Variants in SMAP1 observed in about 807,000 individuals in gnomAD.
The protein encoded by SMAP1 is small ArfGAP 1.
SMAP1 carries 24 observed loss-of-function variants against 58.5 expected under a neutral mutation model. The ratio of observed to expected loss-of-function variants is 0.41; its 90% CI spans 0.30 to 0.58. The LOEUF is 0.58. Among genes scored for constraint, SMAP1 ranks in the 20% least tolerant of loss-of-function variants. SMAP1 has a pLI of 0.29. For missense variants in SMAP1, 563 were observed against 566.3 expected, an observed-to-expected ratio of 0.99 and a Z score of 0.06; for synonymous variants, 216 against 196.6, an observed-to-expected ratio of 1.10 and a Z score of -0.82.
At chr6:70,741,933 G>A (rs1765830336) in intron 2 of SMAP1, among the ~76,000 whole-genome samples, 1 of 152,202 alleles carries the variant, frequency 6.6e-6, no homozygotes, top group African/African-American at 2.4e-5. Context: ...CATGGTCTGA[G>A]CTATACATTG....
At chr6:70,768,690 T>C (rs566012896) in intron 3 of SMAP1, among the ~76,000 whole-genome samples, 1,549 of 152,262 alleles carry the variant, frequency 0.01, 17 homozygotes, top group Non-Finnish European at 0.017. Flanking sequence ...GTTGATCTTT[T>C]CAAAAAACCA....
chr6:70,668,566 C>T (rs1766132887), intron 1 of SMAP1: 1 of 1,534,486 alleles, frequency 6.5e-7, no homozygotes. Flanking sequence ...GTCTGGATCC[C>T]CTCCTCTACC....
At chr6:70,777,994 C>A (rs1562153496) in intron 4 of SMAP1, among the ~76,000 whole-genome samples, 1 of 152,090 alleles carries the variant, frequency 6.6e-6, no homozygotes, top group Non-Finnish European at 1.5e-5. Context: ...TCAAGTGATC[C>A]CCCTGCCTCG....
intron 1 of SMAP1, among the ~76,000 whole-genome samples, chr6:70,692,814 C>T (rs780067921): frequency 5.3e-5 from 8 of 152,036 alleles, no homozygotes; most frequent in Non-Finnish European, 8.8e-5. Flanking sequence ...GATGGAGTCT[C>T]GCTCTGTTGC....
intron 1 of SMAP1, among the ~76,000 whole-genome samples, chr6:70,672,485 A>G (rs544165492): frequency 2.6e-5 from 4 of 152,352 alleles, no homozygotes; most frequent in Admixed American, 1.3e-4. Flanking sequence ...TACATAAAAG[A>G]CAACACCCTG....
chr6:70,778,168 A>G (rs920826008), intron 4 of SMAP1, among the ~76,000 whole-genome samples: 3 of 152,180 alleles, frequency 2.0e-5, no homozygotes, highest in Non-Finnish European at 2.9e-5. Context: ...AAATCACATA[A>G]TGTAAAATGG....
chr6:70,748,838 A>G (rs1278688424), intron 2 of SMAP1, among the ~76,000 whole-genome samples: 1 of 152,026 alleles, frequency 6.6e-6, no homozygotes, highest in African/African-American at 2.4e-5. Flanking sequence ...AAGTAACCAT[A>G]TTTATCAGTT....
intron 3 of SMAP1, among the ~76,000 whole-genome samples, chr6:70,772,301 G>A (rs528261839): frequency 7.2e-5 from 11 of 152,184 alleles, no homozygotes; most frequent in Non-Finnish European, 4.4e-5. Context: ...ATTTTAAAAG[G>A]CTTTTTAAAA....
chr6:70,799,365 TA>T (rs1284334471), intron 6 of SMAP1, among the ~76,000 whole-genome samples: 34 of 152,282 alleles, frequency 2.2e-4, no homozygotes, highest in Non-Finnish European at 7.4e-5. Flanking sequence ...ATGGTACTCC[TA>T]ATTCAGAAGG....
intron 1 of SMAP1, among the ~76,000 whole-genome samples, chr6:70,713,996 CTTTT>C (rs552906253): frequency 2.0e-5 from 3 of 151,926 alleles, no homozygotes; most frequent in Admixed American, 6.6e-5. Context: ...GTGTAATGAC[CTTTT>C]TTTGTCTCTA....
intron 1 of SMAP1, among the ~76,000 whole-genome samples, chr6:70,725,100 T>G (rs1360054611): frequency 5.3e-5 from 1 of 18,808 alleles, no homozygotes; most frequent in East Asian, 1.6e-3. Context: ...AGTGTTTTTT[T>G]TTTTTTTTTT....
At chr6:70,719,681 G>A (rs1000608631) in intron 1 of SMAP1, among the ~76,000 whole-genome samples, 2 of 152,154 alleles carry the variant, frequency 1.3e-5, no homozygotes, top group Non-Finnish European at 2.9e-5. Flanking sequence ...GGAGGCCTTA[G>A]AATCATGGTG....
chr6:70,752,767 T>G (rs1766330380), intron 2 of SMAP1, among the ~76,000 whole-genome samples: 1 of 151,280 alleles, frequency 6.6e-6, no homozygotes, highest in Non-Finnish European at 1.5e-5. Context: ...AGTCTACTTT[T>G]TAGAAACCTA....
intron 1 of SMAP1, among the ~76,000 whole-genome samples, chr6:70,691,770 T>C (rs1403542434): frequency 2.0e-5 from 3 of 152,210 alleles, no homozygotes; most frequent in African/African-American, 7.2e-5. Context: ...CCATCCATGT[T>C]GTTGCAGATG....
intron 2 of SMAP1, among the ~76,000 whole-genome samples, chr6:70,740,692 T>C (rs1765778803): frequency 6.6e-6 from 1 of 152,210 alleles, no homozygotes; most frequent in Non-Finnish European, 1.5e-5. Flanking sequence ...GGCTAGACTG[T>C]CTCTCCCCAT....
At chr6:70,677,337 AC>A (rs1766521294) in intron 1 of SMAP1, among the ~76,000 whole-genome samples, 2 of 150,364 alleles carry the variant, frequency 1.3e-5, no homozygotes, top group African/African-American at 4.9e-5. Flanking sequence ...TTGCTTAGTG[AC>A]CAGTTGTCCT....
At chr6:70,832,419 T>A (rs1038998765) in intron 6 of SMAP1, among the ~76,000 whole-genome samples, 22 of 152,276 alleles carry the variant, frequency 1.4e-4, no homozygotes, top group Non-Finnish European at 2.4e-4. Context: ...TATTTAAAAA[T>A]TTTTTTAAAA....
chr6:70,682,170 A>ATTTTTT lies in SMAP1; in HGVS notation c.118+14060_118+14065dup, dbSNP rs66981900. Among the ~76,000 whole-genome samples, 24 of 95,920 alleles carry ATTTTTT rather than the reference A, an allele frequency of 2.5e-4. 3 individuals carry two copies. The highest frequency in any genetic ancestry group is 3.5e-4 in the East Asian group (1 of 2,836). The allele number at this position is 95,920 out of a possible 152,430, so 62.9% of individuals were successfully genotyped here. A position where few individuals can be genotyped will look rare whatever the true frequency, so the allele number is the denominator to read the frequency against. The stretch of plus-strand genomic sequence containing the variant: ...GGATTTAAGGTTATTCTCTGCACAG[A>ATTTTTT]TTTTTTTTTTTTTTTTTTTTTTTTT... On this transcript the variant is annotated intron_variant, in intron 1 of 10. Coordinates refer to ENST00000370455, the MANE Select transcript of SMAP1 (RefSeq NM_001044305.3).
chr6:70,778,003 C>T (rs996691289), intron 4 of SMAP1, among the ~76,000 whole-genome samples: 3 of 152,074 alleles, frequency 2.0e-5, no homozygotes, highest in Admixed American at 6.6e-5. Context: ...CCCCCTGCCT[C>T]GGGCTCCCAA....
Sources: gnomAD v4.1 joint callset for allele counts (sites outside exome capture counted in the v4.1 genomes callset) on GRCh38, gnomAD v4.1.1 for gene constraint, MANE v1.5 for transcripts, NCBI Gene and HGNC (gene_info 2026-07-23, HGNC 2026-07-21) for gene names.